Variants in ZNF48 observed in about 807,000 individuals in gnomAD.
The protein encoded by ZNF48 is zinc finger protein 48, also known as zinc finger protein 553.
ZNF48 carries 20 observed loss-of-function variants against 40.0 expected under a neutral mutation model. The observed-to-expected ratio is 0.50, with a 90% CI of 0.35 to 0.73. The LOEUF (loss-of-function observed/expected upper bound fraction) is 0.73, where lower values mean the gene tolerates loss of function less well. ZNF48 is among the 30% of genes least tolerant of loss of function. The probability of loss-of-function intolerance (pLI) is 0.01; values close to 1 mark genes in which losing one functional copy is unlikely to be tolerated. For missense variants in ZNF48, 726 were observed against 851.9 expected, an observed-to-expected ratio of 0.85 and a Z score of 1.84; for synonymous variants, 298 against 329.7, an observed-to-expected ratio of 0.90 and a Z score of 1.04.
rs947940869 is a variant in ZNF48, at chr16:30,386,821, C to T, written c.-16+8411C>T. On this transcript the variant is annotated intron_variant, in intron 1 of 2. Transcript: ENST00000528032. ...CTAGGATTACAGGCATGTGCCACCA[C>T]GCCCAGGTAATTTTGTATTTTTAGT... 2.0e-5 allele frequency among the ~76,000 whole-genome samples: 3 copies of T among 151,312 alleles called. No individual in the cohort carries two copies. In the Admixed American group the frequency reaches 2.0e-4, roughly 10 times the overall value.
upstream of ZNF48, among the ~76,000 whole-genome samples, chr16:30,394,354 C>A (rs2049963559): frequency 6.6e-6 from 1 of 152,200 alleles, no homozygotes; most frequent in South Asian, 2.1e-4. Context: ...CCATCATTGG[C>A]AGAGGGGCTG....
chr16:30,390,903 C>T (rs902034214), upstream of ZNF48, among the ~76,000 whole-genome samples: 1 of 151,558 alleles, frequency 6.6e-6, no homozygotes, highest in Non-Finnish European at 1.5e-5. Context: ...GGATTACAGG[C>T]GTGAGCCACC....
At chr16:30,379,101 C>A in intron 1 of ZNF48, 7 of 1,614,070 alleles carry the variant, frequency 4.3e-6, no homozygotes, top group Middle Eastern at 3.3e-4. Context: ...GCAGATCGTG[C>A]GTCACCTCTT....
At chr16:30,396,020 C>T in intron 2 of ZNF48, 147 bp downstream of exon 2, 1 of 830,612 alleles carries the variant, frequency 1.2e-6, no homozygotes, top group Non-Finnish European at 1.7e-6. Context: ...GGAGCACCAA[C>T]TGTGCGCCAG....
Position 30,383,289 on chromosome 16 carries a change from C to T in ZNF48, c.-16+4879C>T, listed in dbSNP as rs569654680. 1.1e-3 allele frequency among the ~76,000 whole-genome samples: 174 copies of T among 152,254 alleles called. 2 individuals carry two copies. In the Middle Eastern group the frequency reaches 0.024, roughly 21 times the overall value. Reference sequence around the variant, plus strand: ...CTGCAAGCTCCACCTCCCGGGTTCCCGCCATTCTCCTGCCTCAGCCTCCCG... The same window carrying T: ...CTGCAAGCTCCACCTCCCGGGTTCCTGCCATTCTCCTGCCTCAGCCTCCCG... On this transcript the variant is annotated intron_variant, in intron 1 of 2. Transcript: ENST00000528032.
rs780364727 is a variant in ZNF48, at chr16:30,397,813, G to T, written c.563G>T (p.Gly188Val). 1 of 1,613,794 alleles carries T rather than the reference G, an allele frequency of 6.2e-7. No homozygotes were observed. Among genetic ancestry groups the T allele is most frequent in the Non-Finnish European group, 8.5e-7 (1 of 1,179,998 alleles). ...ATTCCTCGGTCCCGGATCCCTGCTG[G>T]TGAGCGCCCCACTATCTGTGGTGAA... ...PKIPRSRIPA[G>V]ERPTICGECG... Residue 188 changes from glycine (G) to valine (V), a missense_variant, in exon 3 of 3, where the codon GGT (glycine) becomes GTT (valine). Transcript: ENST00000613509. The surrounding 1 kb of genome is among the most constrained non-coding windows in gnomAD (Gnocchi z 4.1).
At position 30,395,529 on chromosome 16, in the gene ZNF48, G is replaced by T; in HGVS notation, c.-65G>T. 1 of 271,932 alleles carries T rather than the reference G, an allele frequency of 3.7e-6. No homozygotes were observed. Among genetic ancestry groups the T allele is most frequent in the Non-Finnish European group, 7.1e-6 (1 of 140,956 alleles). 16.8% of individuals were successfully genotyped at this position (271,932 alleles called of 1,614,324 possible). On this transcript the variant is annotated 5_prime_UTR_variant, in exon 1 of 3. Transcript: ENST00000613509. The surrounding 1 kb of genome is among the most constrained non-coding windows in gnomAD (Gnocchi z 5.9). ...GCGGCTCGGGCGCCTGCACCCCGCT[G>T]AGGAGCTCCGGAGGGCGCCGGGGTG... is the stretch of plus-strand genomic sequence containing the variant.
chr16:30,379,280 T>C, intron 1 of ZNF48: 1 of 1,517,946 alleles, frequency 6.6e-7, no homozygotes, highest in Non-Finnish European at 9.0e-7. Flanking sequence ...GCTGCCACTC[T>C]AGCGGAGGGT....
chr16:30,382,105 G>T lies in ZNF48; in HGVS notation c.-16+3695G>T, dbSNP rs779485004. On this transcript the variant is annotated intron_variant, in intron 1 of 2. Transcript: ENST00000528032. This position sits in a 1 kb window ranked among gnomAD's most constrained non-coding sequence, Gnocchi z 4.8. ...GGGAGGGTCTTACCACTGGCCTCTG[G>T]CACCTGGCGATCCTCATAGAGGTTG... 6.3e-7 allele frequency: 1 copy of T among 1,580,368 alleles called. No individual in the cohort carries two copies. Among genetic ancestry groups the T allele is most frequent in the South Asian group, 1.1e-5 (1 of 87,792 alleles).
chr16:30,395,047 C>T, upstream of ZNF48: 1 of 294,092 alleles, frequency 3.4e-6, no homozygotes, highest in South Asian at 2.4e-5. This position sits in a 1 kb window ranked among gnomAD's most constrained non-coding sequence, Gnocchi z 5.9. Context: ...CTGGGGTCTC[C>T]GCCGCCCTTT....
chr16:30,382,510 G>T lies in ZNF48; in HGVS notation c.-16+4100G>T. The T allele has an allele frequency of 6.3e-7, 1 of 1,597,340 alleles. No homozygotes were observed. Among genetic ancestry groups the T allele is most frequent in the South Asian group, 1.1e-5 (1 of 88,912 alleles). ...GGGGGCCGAGATGCCCAGGTTTCTG[G>T]GTGTAAGGACTCACCATGACTCCGC... On this transcript the variant is annotated intron_variant, in intron 1 of 2. Coordinates refer to the ZNF48 transcript ENST00000528032. The surrounding 1 kb of genome is among the most constrained non-coding windows in gnomAD (Gnocchi z 4.8).
chr16:30,379,228 G>C, intron 1 of ZNF48: 1 of 1,608,252 alleles, frequency 6.2e-7, no homozygotes, highest in Non-Finnish European at 8.5e-7. Context: ...GGGAGTTTCG[G>C]GTCCAACCCA....
intron 1 of ZNF48, chr16:30,379,375 C>A (rs1442712361): frequency 7.2e-5 from 108 of 1,508,014 alleles, no homozygotes; most frequent in Non-Finnish European, 9.8e-5. Context: ...GTTGAGTGCG[C>A]CTGACCCAGA....
In ZNF48 at chr16:30,395,837, C is replaced by T. The variant is rs2151117546; in HGVS notation, c.43C>T (p.Pro15Ser). 6.5e-7 allele frequency: 1 copy of T among 1,549,772 alleles called. No homozygotes were observed. Among genetic ancestry groups the T allele is most frequent in the East Asian group, 2.4e-5 (1 of 41,538 alleles). Reference protein sequence around the residue: ...VEPWGPDLHRPEEREPQRGAR... With the variant: ...VEPWGPDLHRSEEREPQRGAR... The stretch of plus-strand genomic sequence containing the variant: ...GCCTTGGGGCCCAGATCTCCACCGC[C>T]CGGAGGAGAGGGAGCCACAGAGAGG... Residue 15 changes from proline to serine, a missense_variant, in exon 2 of 3, where the codon CCG (proline) becomes TCG (serine). Physicochemically the swap from Pro to Ser is moderately conservative, Grantham distance 74. This residue lies in a region of ZNF48 where 151 missense variants were observed against 162.3 expected (regional missense o/e 0.93). Coordinates refer to ENST00000613509, the MANE Select transcript of ZNF48 (RefSeq NM_001214909.2). This position sits in a 1 kb window ranked among gnomAD's most constrained non-coding sequence, Gnocchi z 5.9.
intron 1 of ZNF48, among the ~76,000 whole-genome samples, chr16:30,387,419 G>T (rs1325868092): frequency 6.8e-6 from 1 of 147,426 alleles, no homozygotes; most frequent in Non-Finnish European, 1.5e-5. Flanking sequence ...GCCAGGCATG[G>T]TGGCGCATGC....
chr16:30,395,043 TC>T, upstream of ZNF48: 2 of 231,628 alleles, frequency 8.6e-6, no homozygotes, highest in South Asian at 6.8e-5. The surrounding 1 kb of genome is among the most constrained non-coding windows in gnomAD (Gnocchi z 5.9). Flanking sequence ...CCGTCTGGGG[TC>T]TCCGCCGCCC....
rs527632248 is a variant in ZNF48, at chr16:30,386,716, G to A, written c.-16+8306G>A. The stretch of plus-strand genomic sequence containing the variant: ...TTTCGCTCTTGTTGTCCAAGCTGGA[G>A]TGCAATGGTGTGATCTCGGCTCACT... On this transcript the variant is annotated intron_variant, in intron 1 of 2. Coordinates refer to the ZNF48 transcript ENST00000528032. Among the ~76,000 whole-genome samples the A allele has an allele frequency of 3.3e-5, 5 of 152,168 alleles. No homozygotes were observed. In the South Asian group the frequency reaches 1.0e-3, roughly 32 times the overall value.
rs747031634 is a variant in ZNF48 at position 30,397,584 on chromosome 16, G to A, written c.334G>A (p.Ala112Thr). 1.2e-5 allele frequency: 20 copies of A among 1,613,942 alleles called. No individual in the cohort carries two copies. Among genetic ancestry groups the A allele is most frequent in the South Asian group, 2.2e-5 (2 of 91,086 alleles). Residue 112 changes from alanine (A) to threonine (T), a missense_variant, in exon 3 of 3, where the codon GCT (alanine) becomes ACT (threonine). Ala to Thr is a moderately conservative substitution (Grantham distance 58). This residue lies in a region of ZNF48 where 151 missense variants were observed against 162.3 expected (regional missense o/e 0.93). Coordinates refer to ENST00000613509, the MANE Select transcript of ZNF48 (RefSeq NM_001214909.2). This position sits in a 1 kb window ranked among gnomAD's most constrained non-coding sequence, Gnocchi z 4.1. ...RWGQASSDRAAVCGECGKSFR... is the reference protein window; with the variant it reads ...RWGQASSDRATVCGECGKSFR... ...GGGCCAGGCTAGTAGTGATCGGGCC[G>A]CTGTGTGTGGTGAGTGTGGCAAAAG...
chr16:30,381,487 G>C lies in ZNF48; in HGVS notation c.-16+3077G>C, dbSNP rs766930654. 2.0e-5 allele frequency: 32 copies of C among 1,613,924 alleles called. No individual in the cohort carries two copies. Among genetic ancestry groups the C allele is most frequent in the Non-Finnish European group, 2.5e-5 (30 of 1,179,950 alleles). ...ACCGGAAGCCAGCTGGGTGTGGGGAGAGGATGTGAGGTCAGAGATCAAAGG... is the reference window on the plus strand; with the variant it reads ...ACCGGAAGCCAGCTGGGTGTGGGGACAGGATGTGAGGTCAGAGATCAAAGG... On this transcript the variant is annotated intron_variant, in intron 1 of 2. Transcript: ENST00000528032. The surrounding 1 kb of genome is among the most constrained non-coding windows in gnomAD (Gnocchi z 4.3).
Sources: allele counts gnomAD v4.1 joint callset (sites outside exome capture counted in the v4.1 genomes callset), GRCh38; gene constraint gnomAD v4.1.1; regional missense constraint gnomAD v4.1.1; non-coding constraint Gnocchi (gnomAD v3.1); transcripts MANE v1.5; gene names NCBI Gene and HGNC (gene_info 2026-07-23, HGNC 2026-07-21).